NKAIN3: variants seen among roughly 807,000 people sequenced by gnomAD.
NKAIN3 encodes sodium/potassium-transporting ATPase subunit beta-1-interacting protein 3.
Under a neutral mutation model 30.2 loss-of-function variants are expected in NKAIN3, and 25 were observed. The observed-to-expected ratio is 0.83, with a 90% CI of 0.60 to 1.16. NKAIN3 has a LOEUF of 1.16. Among genes scored for constraint, NKAIN3 ranks in the 50% most tolerant of loss-of-function variants. The probability of loss-of-function intolerance (pLI) is 0.00; values close to 1 mark genes in which losing one functional copy is unlikely to be tolerated. For missense variants in NKAIN3, 225 were observed against 254.1 expected, an observed-to-expected ratio of 0.89 and a Z score of 0.78; for synonymous variants, 91 against 89.6, an observed-to-expected ratio of 1.02 and a Z score of -0.09.
chr8:62,347,465 A>C (rs919927754), intron 1 of NKAIN3, among the ~76,000 whole-genome samples: 2 of 152,138 alleles, frequency 1.3e-5, no homozygotes, highest in Non-Finnish European at 2.9e-5. Flanking sequence ...CTAAGAATTG[A>C]TAGAAGAGTT....
At chr8:62,816,124 C>T (rs966190948) in intron 4 of NKAIN3, among the ~76,000 whole-genome samples, 3 of 152,074 alleles carry the variant, frequency 2.0e-5, no homozygotes, top group African/African-American at 4.8e-5. Flanking sequence ...CCTACATTGA[C>T]GTTTGTGCAT....
intron 3 of NKAIN3, among the ~76,000 whole-genome samples, chr8:62,640,268 C>T (rs1025989936): frequency 1.3e-5 from 2 of 152,030 alleles, no homozygotes; most frequent in East Asian, 1.9e-4. Context: ...GATAGGATCA[C>T]GGGGGCGGTT....
chr8:62,400,701 G>GTTTTTTTTT (rs59358606), intron 1 of NKAIN3, among the ~76,000 whole-genome samples: 1 of 148,376 alleles, frequency 6.7e-6, no homozygotes, highest in Non-Finnish European at 1.5e-5. Flanking sequence ...AAAGTTAACA[G>GTTTTTTTTT]TTTTTTTTTT....
chr8:62,383,300 T>C (rs1437804373), intron 1 of NKAIN3, among the ~76,000 whole-genome samples: 3 of 152,128 alleles, frequency 2.0e-5, no homozygotes, highest in Non-Finnish European at 4.4e-5. Flanking sequence ...AGCTGGTGTT[T>C]ATCTTTTCCC....
At chr8:62,547,806 G>T (rs1483781813) in intron 1 of NKAIN3, among the ~76,000 whole-genome samples, 1 of 152,206 alleles carries the variant, frequency 6.6e-6, no homozygotes, top group Non-Finnish European at 1.5e-5. Context: ...ACACAATGTG[G>T]CATGCTATGG....
intron 6 of NKAIN3, among the ~76,000 whole-genome samples, chr8:62,958,539 A>G (rs909764540): frequency 6.6e-6 from 1 of 152,196 alleles, no homozygotes; most frequent in African/African-American, 2.4e-5. Context: ...CCCAGTGGTC[A>G]GCAGCAGTGG....
rs1823817836 is a variant in NKAIN3, at chr8:62,970,872, A to G, written c.*5465A>G. ...GTTCAAAGAAACCAATAATCTATCC[A>G]TTTCTTCTCATAGAATTTGCTTTGG... On this transcript the variant is annotated 3_prime_UTR_variant, in exon 7 of 7. Coordinates refer to ENST00000623646, the MANE Select transcript of NKAIN3 (RefSeq NM_001304533.3). Among the ~76,000 whole-genome samples, 1 of 152,188 alleles carries G rather than the reference A, an allele frequency of 6.6e-6. No homozygotes were observed. Among genetic ancestry groups the G allele is most frequent in the Non-Finnish European group, 1.5e-5 (1 of 68,024 alleles).
chr8:62,627,737 A>G (rs1037751318), intron 3 of NKAIN3, among the ~76,000 whole-genome samples: 3 of 152,080 alleles, frequency 2.0e-5, no homozygotes, highest in African/African-American at 7.2e-5. Context: ...GACAAGAAAT[A>G]CACTTTTTGT....
rs1192496044 is a variant in NKAIN3 at position 62,968,037 on chromosome 8, T to C, written c.*2630T>C. On this transcript the variant is annotated 3_prime_UTR_variant, in exon 7 of 7. Transcript: ENST00000623646. ...GTTTTCATTTTTAATCTTTCTTCAC[T>C]TAAATATGAAGTTATAACTGTTTCA... 6.6e-6 allele frequency among the ~76,000 whole-genome samples: 1 copy of C among 152,218 alleles called. No individual in the cohort carries two copies. Among genetic ancestry groups the C allele is most frequent in the African/African-American group, 2.4e-5 (1 of 41,452 alleles).
At chr8:62,383,275 G>A (rs1265404951) in intron 1 of NKAIN3, among the ~76,000 whole-genome samples, 1 of 152,080 alleles carries the variant, frequency 6.6e-6, no homozygotes, top group African/African-American at 2.4e-5. Flanking sequence ...CTTTTTGTAT[G>A]ACCAAAAGAC....
chr8:62,454,413 C>G (rs13275695), intron 1 of NKAIN3, among the ~76,000 whole-genome samples: 1 of 151,082 alleles, frequency 6.6e-6, no homozygotes, highest in Non-Finnish European at 1.5e-5. Flanking sequence ...GTCTGTGGGC[C>G]GTGGGTTGGA....
intron 1 of NKAIN3, among the ~76,000 whole-genome samples, chr8:62,326,718 G>A (rs759984354): frequency 6.6e-6 from 1 of 152,056 alleles, no homozygotes; most frequent in Middle Eastern, 3.4e-3. Context: ...GGGCATTTCA[G>A]TTTCCACCTT....
intron 1 of NKAIN3, among the ~76,000 whole-genome samples, chr8:62,266,671 G>A (rs571783582): frequency 1.3e-5 from 2 of 152,240 alleles, no homozygotes; most frequent in East Asian, 3.9e-4. Flanking sequence ...TTGAGGACTA[G>A]CTAAAACAGG....
chr8:62,267,864 C>A (rs1812655909), intron 1 of NKAIN3, among the ~76,000 whole-genome samples: 1 of 152,144 alleles, frequency 6.6e-6, no homozygotes, highest in Non-Finnish European at 1.5e-5. Flanking sequence ...TAAGAGCATG[C>A]ATTTAGAAAC....
At chr8:62,361,328 T>G (rs919198310) in intron 1 of NKAIN3, among the ~76,000 whole-genome samples, 1 of 152,260 alleles carries the variant, frequency 6.6e-6, no homozygotes, top group African/African-American at 2.4e-5. Context: ...TTGAAGTTTA[T>G]ATTTGAAGTG....
chr8:62,949,741 T>C (rs1308379943), intron 5 of NKAIN3, among the ~76,000 whole-genome samples: 1 of 151,764 alleles, frequency 6.6e-6, no homozygotes, highest in Admixed American at 6.6e-5. Context: ...TTTTCTAAAA[T>C]ATATTTTTCA....
chr8:62,425,273 A>G (rs1338744042), intron 1 of NKAIN3, among the ~76,000 whole-genome samples: 3 of 151,910 alleles, frequency 2.0e-5, no homozygotes, highest in African/African-American at 7.2e-5. Context: ...TATGTCTCAT[A>G]TTATGTACTC....
intron 1 of NKAIN3, among the ~76,000 whole-genome samples, chr8:62,338,202 G>A (rs1308359273): frequency 6.6e-6 from 1 of 151,866 alleles, no homozygotes; most frequent in African/African-American, 2.4e-5. Flanking sequence ...CATATTTCAT[G>A]ATGTGAAAAG....
Position 62,345,364 on chromosome 8 carries a change from T to TATATATACAC in NKAIN3, c.54+96244_54+96253dup, listed in dbSNP as rs1421121203. Among the ~76,000 whole-genome samples, 67 of 8,706 alleles carry TATATATACAC rather than the reference T, an allele frequency of 7.7e-3. 4 individuals carry two copies. Among genetic ancestry groups the TATATATACAC allele is most frequent in the East Asian group, 0.017 (4 of 240 alleles). The allele number at this position is 8,706 out of a possible 152,430, so 5.7% of individuals were successfully genotyped here. The stretch of plus-strand genomic sequence containing the variant: ...ATATACACACATATACACATATATG[T>TATATATACAC]ATATATACACATATATGTATATATA... On this transcript the variant is annotated intron_variant, in intron 1 of 6. Transcript: ENST00000623646.
Sources: gnomAD v4.1 joint callset for allele counts (sites outside exome capture counted in the v4.1 genomes callset) on GRCh38, gnomAD v4.1.1 for gene constraint, MANE v1.5 for transcripts, NCBI Gene and HGNC (gene_info 2026-07-23, HGNC 2026-07-21) for gene names.